The following NBEAL1 variants were observed in gnomAD, a reference collection of about 807,000 sequenced individuals.
NBEAL1 encodes the protein neurobeachin like 1, also known as neurobeachin-like protein 1.
Under a neutral mutation model 351.3 loss-of-function variants are expected in NBEAL1, and 273 were observed. The observed-to-expected ratio is 0.78, with a 90% confidence interval of 0.70 to 0.86. NBEAL1 has a LOEUF of 0.86. Among genes scored for constraint, NBEAL1 ranks in the 40% least tolerant of loss-of-function variants. NBEAL1 has a pLI of 0.00. For synonymous variants in NBEAL1, 1,050 were observed against 1,086.4 expected (o/e 0.97, Z 0.66); for missense variants, 2,961 against 3,201.3 (o/e 0.92, Z 1.81).
chr2:203,044,235 T>G (rs954735190), intron 3 of NBEAL1, among the ~76,000 whole-genome samples: 1 of 152,222 alleles, frequency 6.6e-6, no homozygotes, highest in African/African-American at 2.4e-5. Flanking sequence ...AGACTATTAT[T>G]CATGTTAGGT....
chr2:203,138,788 CAGCATAGGTATTATTTAT>C, intron 31 of NBEAL1, 40 bp downstream of exon 31: 1 of 1,569,290 alleles, frequency 6.4e-7, no homozygotes, highest in Non-Finnish European at 8.6e-7. Context: ...TGCTTGCATG[CAGCATAGGTATTATTTAT>C]GTAACAAGCC....
intron 2 of NBEAL1, among the ~76,000 whole-genome samples, chr2:203,020,176 A>T (rs1574853900): frequency 6.6e-6 from 1 of 152,284 alleles, no homozygotes; most frequent in East Asian, 1.9e-4. Flanking sequence ...TTGGTTTCTT[A>T]CCAAACTTTT....
intron 10 of NBEAL1, among the ~76,000 whole-genome samples, chr2:203,090,715 C>T (rs1001600486): frequency 2.0e-4 from 31 of 151,916 alleles, no homozygotes; most frequent in African/African-American, 7.3e-4. Context: ...ATGGAAACCC[C>T]GTCTCTACTA....
Position 203,169,783 on chromosome 2 carries a change from C to T in NBEAL1, c.6034C>T (p.His2012Tyr), listed in dbSNP as rs772289657. 2 of 1,610,534 alleles carry T rather than the reference C, an allele frequency of 1.2e-6. No homozygotes were observed. The highest frequency in any genetic ancestry group is 1.1e-5 in the South Asian group (1 of 90,414). Reference protein sequence around the residue: ...NKIYSRLLSLHSPNSYYGSRS... With the variant: ...NKIYSRLLSLYSPNSYYGSRS... The stretch of plus-strand genomic sequence containing the variant: ...AATATATAGCCGACTGTTGTCACTT[C>T]ATTCCCCAAATAGTTATTATGGAAG... Residue 2012 changes from histidine to tyrosine, a missense_variant, in exon 39 of 56, where the codon CAT (histidine) becomes TAT (tyrosine). By Grantham distance (83) the His-to-Tyr change is moderately conservative (BLOSUM62 2). Coordinates refer to ENST00000683969, the MANE Select transcript of NBEAL1 (RefSeq NM_001378026.1).
chr2:203,083,342 A>C lies in NBEAL1; in HGVS notation c.808A>C (p.Lys270Gln), dbSNP rs2061905775. The change falls in exon 9 of 56, where the codon AAG becomes CAG. Residue 270 changes from lysine (K) to glutamine (Q), a missense_variant. By Grantham distance (53) the Lys-to-Gln change is moderately conservative. Transcript: ENST00000683969. Reference protein sequence around the residue: ...EVGRKAELTLKCLTEVVHILL... With the variant: ...EVGRKAELTLQCLTEVVHILL... ...GGGTAGGAAGGCAGAACTAACTCTG[A>C]AGTGCCTTACAGAAGTGGTACATAT... The C allele has an allele frequency of 1.9e-6, 3 of 1,554,220 alleles. No homozygotes were observed. Among genetic ancestry groups the C allele is most frequent in the South Asian group, 2.4e-5 (2 of 84,276 alleles).
rs962098635 is a variant in NBEAL1, at chr2:203,221,246, A to T, written c.*3892A>T. On this transcript the variant is annotated 3_prime_UTR_variant, in exon 56 of 56. Coordinates refer to ENST00000683969, the MANE Select transcript of NBEAL1 (RefSeq NM_001378026.1). ...ATTGTTACTACTAAAGAGACCACTG[A>T]GGAAATCTTGTAATTGAACTTAAGG... 6.6e-6 allele frequency among the ~76,000 whole-genome samples: 1 copy of T among 152,014 alleles called. No homozygotes were observed. Among genetic ancestry groups the T allele is most frequent in the Non-Finnish European group, 1.5e-5 (1 of 67,980 alleles).
intron 36 of NBEAL1, among the ~76,000 whole-genome samples, chr2:203,158,541 A>G (rs1470238209): frequency 6.6e-6 from 1 of 152,104 alleles, no homozygotes; most frequent in Non-Finnish European, 1.5e-5. Flanking sequence ...TAATTTCCTC[A>G]TCTCCTCTTT....
At chr2:203,110,080 T>G in intron 14 of NBEAL1, 70 bp from the exon 15 acceptor site, 1 of 1,400,848 alleles carries the variant, frequency 7.1e-7, no homozygotes. Flanking sequence ...CTTTATGGTT[T>G]TATGTACTTT....
chr2:203,108,138 G>A lies in NBEAL1; in HGVS notation c.1899G>A (p.Gln633=), dbSNP rs985507385. ...FSAWFCLDQD[Q]LTLGIANKGG... ...CTTGGTTTTGCTTAGACCAGGATCA[G>A]TTGACTCTTGGCATTGCTAACAAAG... The change falls in exon 14 of 56, where the codon CAG becomes CAA. Residue 633 remains glutamine, a synonymous_variant. Transcript: ENST00000683969. 2.6e-6 allele frequency: 4 copies of A among 1,551,916 alleles called. No individual in the cohort carries two copies. In the African/African-American group the frequency reaches 5.5e-5, roughly 21 times the overall value.
rs1274322581 is a variant in NBEAL1, at chr2:203,041,797, C to T, written c.84C>T (p.Asp28=). The change falls in exon 3 of 56, where the codon GAC becomes GAT. Residue 28 remains aspartate (D), a synonymous_variant. Transcript: ENST00000683969. Reference sequence around the variant, plus strand: ...CAGATTACCTGAAGCTGTGGTTGGACACTTTTGTTTCTAGCTATGAACAAT... The same window carrying T: ...CAGATTACCTGAAGCTGTGGTTGGATACTTTTGTTTCTAGCTATGAACAAT... ...KDPDYLKLWL[D]TFVSSYEQFL... 2.6e-6 allele frequency: 4 copies of T among 1,553,852 alleles called. No individual in the cohort carries two copies. The highest frequency in any genetic ancestry group is 2.4e-5 in the South Asian group (2 of 84,334).
At chr2:203,112,471 A>G (rs1175549075) in intron 16 of NBEAL1, among the ~76,000 whole-genome samples, 6 of 152,224 alleles carry the variant, frequency 3.9e-5, no homozygotes, top group Non-Finnish European at 8.8e-5. Context: ...TGAAACAATA[A>G]TGAAGAAGCT....
chr2:203,167,696 T>C (rs550934858), intron 38 of NBEAL1, among the ~76,000 whole-genome samples: 1 of 152,338 alleles, frequency 6.6e-6, no homozygotes, highest in Non-Finnish European at 1.5e-5. Context: ...GGAATCTATT[T>C]CTTCTAGGAA....
intron 2 of NBEAL1, among the ~76,000 whole-genome samples, chr2:203,032,591 C>T (rs1179434126): frequency 1.4e-5 from 2 of 137,976 alleles, no homozygotes; most frequent in African/African-American, 5.2e-5. Flanking sequence ...ACCCGGGAGG[C>T]GGAGCTTGCA....
At chr2:203,136,414 G>GT (rs746353412) in intron 28 of NBEAL1, among the ~76,000 whole-genome samples, 162 bp downstream of exon 28, 33 of 152,228 alleles carry the variant, frequency 2.2e-4, no homozygotes, top group Admixed American at 3.3e-4. Flanking sequence ...TAGATTGTGA[G>GT]TTTTTTGAGA....
At chr2:203,120,564 G>T (rs2062807207) in intron 18 of NBEAL1, among the ~76,000 whole-genome samples, 1 of 152,164 alleles carries the variant, frequency 6.6e-6, no homozygotes, top group South Asian at 2.1e-4. Context: ...TGTAAAACTG[G>T]GTTCTACATG....
At chr2:203,159,373 T>A (rs2063885630) in intron 36 of NBEAL1, among the ~76,000 whole-genome samples, 1 of 152,092 alleles carries the variant, frequency 6.6e-6, no homozygotes, top group Non-Finnish European at 1.5e-5. Flanking sequence ...TCGGTCCCAG[T>A]TTTCCCCTTC....
chr2:203,218,239 A>G lies in NBEAL1; in HGVS notation c.*885A>G, dbSNP rs1293487073. ...TGTGATTGATGAATGAATTGAAAAG[A>G]TATGTATAACTTAAAATAATCATTT... On this transcript the variant is annotated 3_prime_UTR_variant, in exon 56 of 56. Transcript: ENST00000683969. The G allele has an allele frequency of 6.6e-6, 1 of 152,172 alleles. No homozygotes were observed. The highest frequency in any genetic ancestry group is 2.4e-5 in the African/African-American group (1 of 41,456). The allele number at this position is 152,172 out of a possible 1,614,324, so 9.4% of individuals were successfully genotyped here.
In NBEAL1 at chr2:203,109,942, G is replaced by T. The variant is rs1366111031; in HGVS notation, c.1950-208G>T. On this transcript the variant is annotated intron_variant, in intron 14 of 55. Transcript: ENST00000683969. ...TTACTAGTGGAATTCCACTTTACAA[G>T]GCTGCCTTTTATTTACTAAACTCTT... 3.3e-5 allele frequency among the ~76,000 whole-genome samples: 5 copies of T among 152,256 alleles called. No individual in the cohort carries two copies. The East Asian group carries it at 9.6e-4, about 29-fold the overall frequency.
chr2:203,188,127 T>A (rs2064965052), intron 44 of NBEAL1, among the ~76,000 whole-genome samples: 1 of 152,198 alleles, frequency 6.6e-6, no homozygotes, highest in Non-Finnish European at 1.5e-5. Flanking sequence ...TCTAGACAAC[T>A]ATTTCAATGG....
Sources: gnomAD v4.1 joint callset for allele counts (sites outside exome capture counted in the v4.1 genomes callset) on GRCh38, gnomAD v4.1.1 for gene constraint, MANE v1.5 for transcripts, NCBI Gene and HGNC (gene_info 2026-07-23, HGNC 2026-07-21) for gene names.